Variants in PCSK6 observed in about 807,000 individuals in gnomAD.
The protein encoded by PCSK6 is proprotein convertase subtilisin/kexin type 6.
In PCSK6, 85 loss-of-function variants were observed where a neutral mutation model predicts 123.3. The ratio of observed to expected loss-of-function variants is 0.69; its 90% CI spans 0.58 to 0.83. The LOEUF is 0.83. PCSK6 is among the 40% of genes least tolerant of loss of function. The pLI is 0.00. For synonymous variants in PCSK6, 508 were observed against 516.0 expected, an observed-to-expected ratio of 0.98 and a Z score of 0.21; for missense variants, 1,191 against 1,282.3, an observed-to-expected ratio of 0.93 and a Z score of 1.09.
At chr15:101,485,957 ATTTTTTTTTTTT>A (rs11303524) in intron 1 of PCSK6, among the ~76,000 whole-genome samples, 1 of 116,108 alleles carries the variant, frequency 8.6e-6, no homozygotes, top group East Asian at 2.4e-4. Flanking sequence ...ATTTATTTAA[ATTTTTTTTTTTT>A]TTTTTTTTTT....
intron 2 of PCSK6, among the ~76,000 whole-genome samples, chr15:101,439,220 C>T (rs1196714319): frequency 2.6e-5 from 4 of 152,196 alleles, no homozygotes; most frequent in African/African-American, 7.2e-5. Context: ...CAGTGGAATG[C>T]GGATGAGCGC....
At chr15:101,470,503 T>C (rs1316866819) in intron 1 of PCSK6, among the ~76,000 whole-genome samples, 2 of 152,230 alleles carry the variant, frequency 1.3e-5, no homozygotes, top group Admixed American at 6.5e-5. Flanking sequence ...TAAGATTCTC[T>C]TCTCATTTTA....
chr15:101,322,449 G>A (rs45438401), intron 18 of PCSK6, 71 bp downstream of exon 18: 73 of 1,052,128 alleles, frequency 6.9e-5, no homozygotes, highest in Non-Finnish European at 9.5e-5. Context: ...ATGCACCAAC[G>A]TGGTAAATCC....
chr15:101,346,950 G>C, intron 13 of PCSK6: 1 of 1,231,588 alleles, frequency 8.1e-7, no homozygotes, highest in South Asian at 4.1e-5. Flanking sequence ...GGGGAAAGGC[G>C]TCACTGTCAC....
chr15:101,314,167 G>A (rs1024145199), intron 19 of PCSK6, among the ~76,000 whole-genome samples: 1 of 152,190 alleles, frequency 6.6e-6, no homozygotes, highest in Non-Finnish European at 1.5e-5. Flanking sequence ...TAAGACTAAG[G>A]GTTTATAGGG....
chr15:101,456,200 T>C (rs960130156), intron 1 of PCSK6, among the ~76,000 whole-genome samples: 9 of 152,008 alleles, frequency 5.9e-5, no homozygotes, highest in African/African-American at 1.9e-4. Context: ...AGACAGATCA[T>C]CCTACTCCAG....
intron 1 of PCSK6, among the ~76,000 whole-genome samples, chr15:101,457,104 G>A (rs61136500): frequency 0.012 from 1,890 of 152,180 alleles, 39 homozygotes; most frequent in African/African-American, 0.042. Context: ...ACCAGGAGGC[G>A]GAGGTTGCAG....
intron 1 of PCSK6, among the ~76,000 whole-genome samples, chr15:101,479,278 A>G (rs1332999762): frequency 6.6e-6 from 1 of 152,220 alleles, no homozygotes; most frequent in East Asian, 1.9e-4. Flanking sequence ...AGCAACAGAT[A>G]GGTGCAGAAG....
At chr15:101,367,288 T>C (rs117000886) in intron 12 of PCSK6, among the ~76,000 whole-genome samples, 8,372 of 152,348 alleles carry the variant, frequency 0.055, 335 homozygotes, top group Admixed American at 0.13. Flanking sequence ...CCAGGTTTTT[T>C]CCTCTTATTC....
intron 18 of PCSK6, among the ~76,000 whole-genome samples, chr15:101,320,567 G>A (rs967278040): frequency 2.0e-5 from 3 of 152,112 alleles, no homozygotes; most frequent in African/African-American, 7.2e-5. Flanking sequence ...ACGTCTGTAT[G>A]TTGGCAAGCT....
chr15:101,402,836 G>A (rs1434639076), intron 6 of PCSK6, among the ~76,000 whole-genome samples: 3 of 152,142 alleles, frequency 2.0e-5, no homozygotes, highest in African/African-American at 7.2e-5. Flanking sequence ...CTGTAAACTA[G>A]TTCAACCATT....
Position 101,313,683 on chromosome 15 carries a change from G to A in PCSK6, c.2570-178C>T, listed in dbSNP as rs933256293. On this transcript the variant is annotated intron_variant, in intron 19 of 21. Coordinates refer to ENST00000611716, the MANE Select transcript of PCSK6 (RefSeq NM_002570.5). ...CCGTCCTCACCCACTCCCAGGAGGT[G>A]GGCATCGCCATCACCATTTCACAGA... The A allele has an allele frequency of 6.1e-5, 50 of 824,064 alleles. No homozygotes were observed. The African/African-American group carries it at 7.8e-4, about 13-fold the overall frequency. 51.0% of individuals were successfully genotyped at this position (824,064 alleles called of 1,614,324 possible).
intron 5 of PCSK6, among the ~76,000 whole-genome samples, chr15:101,429,092 A>G (rs2056358294): frequency 6.6e-6 from 1 of 152,222 alleles, no homozygotes. Flanking sequence ...CAAAGCGACC[A>G]CAAACTAAAA....
intron 15 of PCSK6, among the ~76,000 whole-genome samples, chr15:101,330,000 G>A (rs560989295): frequency 2.3e-4 from 35 of 152,296 alleles, no homozygotes; most frequent in East Asian, 1.4e-3. Context: ...GTCTCTGGGC[G>A]GGGGGACAGC....
intron 17 of PCSK6, among the ~76,000 whole-genome samples, chr15:101,323,261 C>T (rs2040172468): frequency 6.6e-6 from 1 of 152,184 alleles, no homozygotes; most frequent in Admixed American, 6.5e-5. Flanking sequence ...CATCATACGC[C>T]ATAAAGCAGG....
intron 11 of PCSK6, among the ~76,000 whole-genome samples, chr15:101,379,735 C>T (rs1326990380): frequency 6.6e-6 from 1 of 152,224 alleles, no homozygotes; most frequent in Non-Finnish European, 1.5e-5. Context: ...GGAACGCTTC[C>T]TTTTCATTTT....
chr15:101,406,651 G>A (rs938287480), intron 6 of PCSK6, among the ~76,000 whole-genome samples: 3 of 152,156 alleles, frequency 2.0e-5, no homozygotes, highest in South Asian at 2.1e-4. Flanking sequence ...CAATAGACAC[G>A]GCTTTCAAAT....
chr15:101,450,115 C>T (rs4965869), intron 1 of PCSK6, among the ~76,000 whole-genome samples: 37,408 of 152,008 alleles, frequency 0.25, 4,829 homozygotes, highest in South Asian at 0.37. Context: ...AAAGGGGGCT[C>T]TTAATGGCTC....
At chr15:101,355,491 A>G (rs1183699976) in intron 13 of PCSK6, among the ~76,000 whole-genome samples, 10 of 152,238 alleles carry the variant, frequency 6.6e-5, no homozygotes, top group Non-Finnish European at 1.5e-5. Flanking sequence ...GGCCCTGTAC[A>G]TAGCCCTGGT....
Sources: gnomAD v4.1 joint callset for allele counts (sites outside exome capture counted in the v4.1 genomes callset) on GRCh38, gnomAD v4.1.1 for gene constraint, MANE v1.5 for transcripts, NCBI Gene and HGNC (gene_info 2026-07-23, HGNC 2026-07-21) for gene names.